Variants in MEIKIN observed in about 807,000 individuals in gnomAD.
MEIKIN encodes meiosis-specific kinetochore protein.
intron 5 of MEIKIN, among the ~76,000 whole-genome samples, chr5:131,930,928 A>G (rs1751678779): frequency 6.6e-6 from 1 of 152,056 alleles, no homozygotes; most frequent in Admixed American, 6.5e-5. Context: ...GATTATTTTG[A>G]ATTAGTTGTC....
Position 131,887,358 on chromosome 5 carries a change from T to G in MEIKIN, c.704-8310A>C, listed in dbSNP as rs576372110. Among the ~76,000 whole-genome samples, 9 of 152,332 alleles carry G rather than the reference T, an allele frequency of 5.9e-5. No individual in the cohort carries two copies. In the East Asian group the frequency reaches 1.3e-3, roughly 23 times the overall value. On this transcript the variant is annotated intron_variant, in intron 8 of 12. Coordinates refer to ENST00000442687, the MANE Select transcript of MEIKIN (RefSeq NM_001303622.2). ...TATAACCCTTTGGGTATATACCCAG[T>G]AAGGGGACCACTGGGTCAAATGGTA...
chr5:131,923,952 G>A (rs1228106995), intron 5 of MEIKIN, among the ~76,000 whole-genome samples: 1 of 152,114 alleles, frequency 6.6e-6, no homozygotes, highest in Non-Finnish European at 1.5e-5. Flanking sequence ...ATGTGTAAGT[G>A]AAACTTAATA....
chr5:131,843,231 C>T (rs1486370019), intron 11 of MEIKIN, among the ~76,000 whole-genome samples: 5 of 152,240 alleles, frequency 3.3e-5, no homozygotes, highest in African/African-American at 1.2e-4. Context: ...ATGGGAGGGG[C>T]TGTTGTGAAG....
chr5:131,938,120 T>C (rs1217434822), intron 4 of MEIKIN, among the ~76,000 whole-genome samples: 1 of 151,990 alleles, frequency 6.6e-6, no homozygotes, highest in Non-Finnish European at 1.5e-5. Context: ...AATAACAACT[T>C]TATTGAGATA....
chr5:131,863,904 C>T (rs923563543), intron 9 of MEIKIN, among the ~76,000 whole-genome samples: 4 of 152,116 alleles, frequency 2.6e-5, no homozygotes, highest in Non-Finnish European at 5.9e-5. Context: ...GTGACTTGCT[C>T]CTCCTCGCCT....
intron 8 of MEIKIN, among the ~76,000 whole-genome samples, chr5:131,898,062 G>A (rs1458501797): frequency 6.6e-6 from 1 of 152,180 alleles, no homozygotes; most frequent in African/African-American, 2.4e-5. Flanking sequence ...GGTCTTTGAT[G>A]TTGGTGCCCT....
chr5:131,902,204 G>A (rs369382564), intron 8 of MEIKIN, among the ~76,000 whole-genome samples: 1 of 152,166 alleles, frequency 6.6e-6, no homozygotes. Context: ...AGGCCAAGGC[G>A]AGTGGATCAC....
chr5:131,921,666 A>T (rs1260110355), intron 6 of MEIKIN, among the ~76,000 whole-genome samples, 156 bp downstream of exon 6: 1 of 152,176 alleles, frequency 6.6e-6, no homozygotes, highest in African/African-American at 2.4e-5. Flanking sequence ...CAAAATAAAT[A>T]AAAAAGTAAA....
chr5:131,931,080 C>T (rs978810103), intron 5 of MEIKIN, among the ~76,000 whole-genome samples: 2 of 152,190 alleles, frequency 1.3e-5, no homozygotes, highest in African/African-American at 4.8e-5. Context: ...AAAATAACAG[C>T]CACTTCTCCC....
chr5:131,943,436 A>C (rs994015402), intron 3 of MEIKIN, among the ~76,000 whole-genome samples: 3 of 152,248 alleles, frequency 2.0e-5, no homozygotes, highest in Non-Finnish European at 2.9e-5. Context: ...ACCTTCTGTA[A>C]CAGAATGTCT....
At position 131,913,957 on chromosome 5, in the gene MEIKIN, TAA is replaced by T. The variant is rs560588312; in HGVS notation, c.639-2080_639-2079del. Among the ~76,000 whole-genome samples the T allele has an allele frequency of 1.6e-3, 249 of 152,320 alleles. 2 individuals are homozygous for T. The highest frequency in any genetic ancestry group is 2.5e-4 in the Non-Finnish European group (17 of 68,028). The stretch of plus-strand genomic sequence containing the variant: ...TGGTAGTATTGAGAGACAGGGTCTT[TAA>T]GAGGTGACTGGATCATGAGGGCTCT... On this transcript the variant is annotated intron_variant, in intron 7 of 12. Coordinates refer to ENST00000442687, the MANE Select transcript of MEIKIN (RefSeq NM_001303622.2).
chr5:131,914,842 C>G (rs1751392644), intron 7 of MEIKIN, among the ~76,000 whole-genome samples: 2 of 152,060 alleles, frequency 1.3e-5, no homozygotes, highest in Non-Finnish European at 2.9e-5. Context: ...TTTTCTCCCT[C>G]AAGGCCCAAA....
At chr5:131,818,568 G>C (rs1328511170) in intron 12 of MEIKIN, among the ~76,000 whole-genome samples, 172 bp downstream of exon 12, 2 of 152,082 alleles carry the variant, frequency 1.3e-5, no homozygotes, top group Non-Finnish European at 2.9e-5. Context: ...TTATAGGCAT[G>C]AGCCACTGAG....
intron 11 of MEIKIN, among the ~76,000 whole-genome samples, chr5:131,832,707 C>T (rs573455418): frequency 1.3e-5 from 2 of 152,362 alleles, no homozygotes; most frequent in East Asian, 3.9e-4. Context: ...GGTTCCCAAA[C>T]CTCAATTCTT....
rs548253879 is a variant in MEIKIN, at chr5:131,896,643, C to G, written c.703+15172G>C. Among the ~76,000 whole-genome samples the G allele has an allele frequency of 3.9e-5, 6 of 152,282 alleles. No individual in the cohort carries two copies. The South Asian group carries it at 1.2e-3, about 32-fold the overall frequency. ...CCCTTTACCATTATGTAATGGCCTT[C>G]TTTGTGTCTTTTGATCTTTGTTGGT... On this transcript the variant is annotated intron_variant, in intron 8 of 12. Transcript: ENST00000442687.
intron 12 of MEIKIN, among the ~76,000 whole-genome samples, chr5:131,817,666 T>C (rs1294521019): frequency 4.6e-5 from 7 of 152,062 alleles, no homozygotes; most frequent in Non-Finnish European, 8.8e-5. Flanking sequence ...AGGTTCTGTT[T>C]TTCTGGAGAA....
chr5:131,863,925 T>A (rs776737851), intron 9 of MEIKIN, among the ~76,000 whole-genome samples: 46 of 152,324 alleles, frequency 3.0e-4, no homozygotes, highest in Non-Finnish European at 5.9e-4. Flanking sequence ...TCTGCATGAT[T>A]GTGAGGCCTC....
At chr5:131,862,690 T>C (rs1750308450) in intron 9 of MEIKIN, among the ~76,000 whole-genome samples, 1 of 152,192 alleles carries the variant, frequency 6.6e-6, no homozygotes, top group South Asian at 2.1e-4. Flanking sequence ...TCAATTTTTA[T>C]TTATTTCAAG....
intron 11 of MEIKIN, among the ~76,000 whole-genome samples, chr5:131,819,299 T>C (rs1323646945): frequency 2.0e-5 from 3 of 151,628 alleles, no homozygotes; most frequent in Admixed American, 1.3e-4. Flanking sequence ...AGGCAGATAG[T>C]CTCCAGAATA....
Sources: gnomAD v4.1 joint callset for allele counts (sites outside exome capture counted in the v4.1 genomes callset) on GRCh38, gnomAD v4.1.1 for gene constraint, MANE v1.5 for transcripts, NCBI Gene and HGNC (gene_info 2026-07-23, HGNC 2026-07-21) for gene names.